STXBP4: variants seen among roughly 807,000 people sequenced by gnomAD.
STXBP4 encodes syntaxin-binding protein 4.
Under a neutral mutation model 76.1 loss-of-function variants are expected in STXBP4, and 55 were observed. That is an observed-to-expected ratio of 0.72 (90% CI 0.58 to 0.91). The LOEUF (loss-of-function observed/expected upper bound fraction) is 0.91. Among genes scored for constraint, STXBP4 ranks in the 40% least tolerant of loss-of-function variants. STXBP4 has a pLI of 0.00. For synonymous variants in STXBP4, 201 were observed against 220.2 expected (o/e 0.91, Z 0.77); for missense variants, 618 against 636.9 (o/e 0.97, Z 0.32).
intron 16 of STXBP4, among the ~76,000 whole-genome samples, chr17:55,129,024 G>A (rs2079944830): frequency 6.7e-6 from 1 of 150,272 alleles, no homozygotes; most frequent in African/African-American, 2.5e-5. Context: ...CCATCTCCTG[G>A]GTTCAAGTGA....
Position 55,058,294 on chromosome 17 carries a change from C to T in STXBP4, c.1011+11140C>T, listed in dbSNP as rs188802590. The stretch of plus-strand genomic sequence containing the variant: ...CATTGTGGTTTTGATTTGCGTTTCT[C>T]TGATGACCAGTGATGATGAGCTTTT... On this transcript the variant is annotated intron_variant, in intron 12 of 17. Coordinates refer to ENST00000376352, the MANE Select transcript of STXBP4 (RefSeq NM_178509.6). Among the ~76,000 whole-genome samples the T allele has an allele frequency of 3.3e-5, 5 of 152,268 alleles. No homozygotes were observed. The East Asian group carries it at 9.6e-4, about 29-fold the overall frequency.
chr17:55,095,364 A>G (rs2079471561), intron 16 of STXBP4, among the ~76,000 whole-genome samples: 1 of 152,196 alleles, frequency 6.6e-6, no homozygotes. Flanking sequence ...CAAAATGTAA[A>G]TGATGCCAGA....
intron 8 of STXBP4, among the ~76,000 whole-genome samples, chr17:55,008,023 A>G (rs1316342258): frequency 6.6e-6 from 1 of 152,218 alleles, no homozygotes; most frequent in Non-Finnish European, 1.5e-5. Context: ...AAATAGTCAG[A>G]TGTCCACTAA....
chr17:55,181,603 G>T, the STXBP4 span, among the ~76,000 whole-genome samples: 8 of 152,146 alleles, frequency 5.3e-5, no homozygotes, highest in African/African-American at 1.9e-4. Context: ...CTGAAATGGT[G>T]GACTAAGTAG....
chr17:55,132,894 G>A (rs561840343), intron 16 of STXBP4, among the ~76,000 whole-genome samples: 1 of 152,290 alleles, frequency 6.6e-6, no homozygotes, highest in East Asian at 1.9e-4. Context: ...AGGCAGAAGG[G>A]CTAGCAAGTG....
chr17:55,027,593 A>G (rs529822996), intron 8 of STXBP4, among the ~76,000 whole-genome samples: 1 of 152,320 alleles, frequency 6.6e-6, no homozygotes, highest in African/African-American at 2.4e-5. Flanking sequence ...TTGAACTCAC[A>G]CTTTCTGATT....
chr17:55,096,626 T>TA (rs1270112100), intron 16 of STXBP4, among the ~76,000 whole-genome samples: 3 of 151,776 alleles, frequency 2.0e-5, no homozygotes, highest in African/African-American at 7.3e-5. Flanking sequence ...TTTTTTTTTT[T>TA]AAGAATAAGC....
chr17:55,040,434 T>C (rs1057104377), intron 10 of STXBP4, among the ~76,000 whole-genome samples: 1 of 152,058 alleles, frequency 6.6e-6, no homozygotes, highest in African/African-American at 2.4e-5. Flanking sequence ...ATTGAATAGG[T>C]CTCTAATGGA....
At chr17:55,001,181 A>G (rs77676254) in intron 7 of STXBP4, among the ~76,000 whole-genome samples, 11 of 152,308 alleles carry the variant, frequency 7.2e-5, no homozygotes, top group Admixed American at 1.3e-4. Flanking sequence ...TATAAAGATC[A>G]AGATTAGGTT....
intron 1 of STXBP4, among the ~76,000 whole-genome samples, chr17:54,979,769 T>G (rs962057556): frequency 6.6e-6 from 1 of 152,218 alleles, no homozygotes; most frequent in African/African-American, 2.4e-5. Context: ...GCAACAAATC[T>G]TGCCTTCACT....
chr17:55,175,274 T>C (rs2080425580), downstream of STXBP4, among the ~76,000 whole-genome samples: 2 of 152,198 alleles, frequency 1.3e-5, no homozygotes, highest in African/African-American at 2.4e-5. Context: ...AACAGTGTGA[T>C]TTTTGAAATC....
the STXBP4 span, among the ~76,000 whole-genome samples, chr17:55,194,783 A>G: frequency 6.6e-6 from 1 of 152,194 alleles, no homozygotes; most frequent in South Asian, 2.1e-4. Flanking sequence ...AGTTCACTTT[A>G]TATATCACTG....
chr17:55,015,437 C>T (rs1258322647), intron 8 of STXBP4, among the ~76,000 whole-genome samples: 2 of 152,320 alleles, frequency 1.3e-5, no homozygotes, highest in Non-Finnish European at 2.9e-5. Context: ...GTTATGGCAG[C>T]ACTTCTCTCA....
chr17:55,034,824 T>C (rs1305305860), intron 10 of STXBP4, among the ~76,000 whole-genome samples: 1 of 152,070 alleles, frequency 6.6e-6, no homozygotes, highest in African/African-American at 2.4e-5. Flanking sequence ...TGGTTTTGCC[T>C]CTTTTTGTGC....
intron 16 of STXBP4, among the ~76,000 whole-genome samples, chr17:55,123,245 A>C (rs2145096570): frequency 6.6e-6 from 1 of 152,304 alleles, no homozygotes; most frequent in Non-Finnish European, 1.5e-5. Context: ...TAACTTGTTA[A>C]GATAATTCAA....
intron 4 of STXBP4, 82 bp from the exon 5 acceptor site, chr17:54,999,263 C>G (rs955207520): frequency 1.7e-6 from 2 of 1,187,600 alleles, no homozygotes; most frequent in African/African-American, 3.1e-5. Flanking sequence ...TTCACGAAAA[C>G]TTTTCATTGC....
the STXBP4 span, among the ~76,000 whole-genome samples, chr17:55,191,679 T>C: frequency 6.6e-6 from 1 of 152,202 alleles, no homozygotes; most frequent in Non-Finnish European, 1.5e-5. Context: ...CACCAAACTA[T>C]GTCCTTGAAT....
the STXBP4 span, among the ~76,000 whole-genome samples, chr17:55,183,845 T>C: frequency 2.0e-5 from 3 of 152,232 alleles, no homozygotes; most frequent in Non-Finnish European, 4.4e-5. Context: ...GTGGCAATTA[T>C]ACATTTATGT....
At chr17:55,119,534 A>G (rs1247895376) in intron 16 of STXBP4, among the ~76,000 whole-genome samples, 1 of 152,116 alleles carries the variant, frequency 6.6e-6, no homozygotes, top group African/African-American at 2.4e-5. Context: ...TGATTTCTGA[A>G]CAATACAAGA....
Sources: allele counts gnomAD v4.1 joint callset (sites outside exome capture counted in the v4.1 genomes callset), GRCh38; gene constraint gnomAD v4.1.1; transcripts MANE v1.5; gene names NCBI Gene and HGNC (gene_info 2026-07-23, HGNC 2026-07-21).